The following GPSM1 variants were observed in gnomAD, a reference collection of about 807,000 sequenced individuals.
GPSM1 encodes the protein G protein-signaling modulator 1.
In GPSM1, 48 loss-of-function variants were observed where a neutral mutation model predicts 70.5. The observed-to-expected ratio is 0.68, with a 90% CI of 0.54 to 0.87. The LOEUF (loss-of-function observed/expected upper bound fraction) is 0.87, where lower values mean the gene tolerates loss of function less well. GPSM1 is among the 40% of genes least tolerant of loss of function. The pLI is 0.00. For synonymous variants in GPSM1, 416 were observed against 430.1 expected, an observed-to-expected ratio of 0.97 and a Z score of 0.41; for missense variants, 981 against 972.6, an observed-to-expected ratio of 1.01 and a Z score of -0.11.
intron 10 of GPSM1, among the ~76,000 whole-genome samples, chr9:136,349,208 G>A (rs373211766): frequency 2.6e-5 from 4 of 152,270 alleles, no homozygotes; most frequent in East Asian, 3.8e-4. Flanking sequence ...TGTGCCTGTC[G>A]GCAGTGGGTG....
At chr9:136,333,152 C>T (rs1453235558) in intron 1 of GPSM1, among the ~76,000 whole-genome samples, 2 of 152,256 alleles carry the variant, frequency 1.3e-5, no homozygotes, top group African/African-American at 4.8e-5. Flanking sequence ...TCCTGGGCTC[C>T]AGCTGTGCCT....
intron 9 of GPSM1, among the ~76,000 whole-genome samples, chr9:136,348,487 CT>C (rs1832578880): frequency 6.6e-6 from 1 of 152,224 alleles, no homozygotes. Context: ...CCAGGACGCG[CT>C]CTGTCTCGAC....
At chr9:136,354,828 G>C in intron 11 of GPSM1, 1 of 996,480 alleles carries the variant, frequency 1.0e-6, no homozygotes, top group East Asian at 1.1e-4. Flanking sequence ...CATGGACACA[G>C]GGAGCTCATG....
intron 7 of GPSM1, 85 bp downstream of exon 7, chr9:136,338,795 A>C: frequency 7.5e-7 from 1 of 1,334,026 alleles, no homozygotes; most frequent in South Asian, 1.4e-5. Context: ...CCTGGGTCCC[A>C]TCCCCTGCTC....
In GPSM1 at chr9:136,358,579, C is replaced by T. The variant is rs1044712234; in HGVS notation, c.*359C>T. 4.9e-6 allele frequency: 2 copies of T among 404,124 alleles called. No homozygotes were observed. The highest frequency in any genetic ancestry group is 8.9e-6 in the Non-Finnish European group (2 of 224,724). The allele number at this position is 404,124 out of a possible 1,614,324, so 25.0% of individuals were successfully genotyped here. ...GTGAAACCCTGCTGTCTCCCCCACCCTCCCCAAAGGTGTCTCTGAGCCGCC... is the reference window on the plus strand; with the variant it reads ...GTGAAACCCTGCTGTCTCCCCCACCTTCCCCAAAGGTGTCTCTGAGCCGCC... On this transcript the variant is annotated 3_prime_UTR_variant, in exon 14 of 14. Coordinates refer to ENST00000440944, the MANE Select transcript of GPSM1 (RefSeq NM_001145638.3).
intron 5 of GPSM1, 67 bp from the exon 6 acceptor site, chr9:136,337,779 C>T: frequency 7.8e-7 from 1 of 1,282,870 alleles, no homozygotes; most frequent in Non-Finnish European, 1.1e-6. Flanking sequence ...GGGAGGCAGC[C>T]CCTGTCCGCC....
At chr9:136,357,578 C>T (rs1832866936) in intron 13 of GPSM1, among the ~76,000 whole-genome samples, 1 of 152,244 alleles carries the variant, frequency 6.6e-6, no homozygotes, top group Non-Finnish European at 1.5e-5. Flanking sequence ...ACTTCGGGCT[C>T]TGGAAGCTGA....
chr9:136,356,137 C>T (rs1233853097), intron 12 of GPSM1, among the ~76,000 whole-genome samples: 1 of 152,136 alleles, frequency 6.6e-6, no homozygotes, highest in Non-Finnish European at 1.5e-5. Flanking sequence ...CCCCTGGAAG[C>T]CCCTGAGGTG....
intron 8 of GPSM1, 89 bp downstream of exon 8, chr9:136,339,904 G>C (rs1352724207): frequency 1.3e-6 from 1 of 750,738 alleles, no homozygotes; most frequent in Non-Finnish European, 2.2e-6. Flanking sequence ...GAGCGTGTGC[G>C]TGCCTGGGCC....
At chr9:136,339,352 G>A (rs1246779813) in intron 7 of GPSM1, among the ~76,000 whole-genome samples, 1 of 152,276 alleles carries the variant, frequency 6.6e-6, no homozygotes, top group Non-Finnish European at 1.5e-5. Flanking sequence ...AGGGTGGAGG[G>A]AGTGCAAGGG....
intron 1 of GPSM1, among the ~76,000 whole-genome samples, chr9:136,328,023 C>T (rs943819992): frequency 1.5e-4 from 23 of 152,254 alleles, no homozygotes; most frequent in Admixed American, 1.2e-3. Context: ...CTTCTCCAGC[C>T]TCACTCCCCT....
At chr9:136,348,320 G>T (rs1478904091) in intron 9 of GPSM1, among the ~76,000 whole-genome samples, 2 of 152,170 alleles carry the variant, frequency 1.3e-5, no homozygotes, top group Admixed American at 1.3e-4. Context: ...GGATTGGGTG[G>T]CCTCACAGAG....
At chr9:136,351,302 G>A (rs533686341) in intron 11 of GPSM1, among the ~76,000 whole-genome samples, 1 of 151,878 alleles carries the variant, frequency 6.6e-6, no homozygotes, top group Non-Finnish European at 1.5e-5. Context: ...ACCTGGTCAG[G>A]CCTTCCCGGG....
Position 136,341,391 on chromosome 9 carries a change from T to G in GPSM1, c.1207+398T>G. The G allele has an allele frequency of 7.0e-7, 1 of 1,425,328 alleles. No individual in the cohort carries two copies. The highest frequency in any genetic ancestry group is 3.0e-5 in the Admixed American group (1 of 33,754). The allele number at this position is 1,425,328 out of a possible 1,614,324, so 88.3% of individuals were successfully genotyped here. A position where few individuals can be genotyped will look rare whatever the true frequency, so the allele number is the denominator to read the frequency against. On this transcript the variant is annotated intron_variant, in intron 9 of 13. Coordinates refer to ENST00000440944, the MANE Select transcript of GPSM1 (RefSeq NM_001145638.3). The surrounding 1 kb of genome is among the most constrained non-coding windows in gnomAD (Gnocchi z 6.7). ...AGGGCTGGGCTGGGCTGGGCTGGGC[T>G]GGGCTGTGGGAGCCCTATGTGCCTG...
At chr9:136,354,345 C>T (rs1237641914) in intron 11 of GPSM1, among the ~76,000 whole-genome samples, 1 of 152,168 alleles carries the variant, frequency 6.6e-6, no homozygotes, top group East Asian at 1.9e-4. Context: ...TAGTCCTGGG[C>T]TGTGGGGGTC....
In GPSM1 at chr9:136,355,762, A is replaced by G; in HGVS notation, c.1528A>G (p.Met510Val). The change falls in exon 12 of 14, where the codon ATG (methionine) becomes GTG (valine). Residue 510 changes from methionine (M) to valine (V), a missense_variant. Transcript: ENST00000440944. ...GTTGACCAAGTTCCAGAGCAGCCGC[A>G]TGGACGACCAGCGTTGTCCCCTGGA... Reference protein sequence around the residue: ...DLLTKFQSSRMDDQRCPLDDG... With the variant: ...DLLTKFQSSRVDDQRCPLDDG... 1 of 1,612,224 alleles carries G rather than the reference A, an allele frequency of 6.2e-7. No homozygotes were observed. The highest frequency in any genetic ancestry group is 8.5e-7 in the Non-Finnish European group (1 of 1,179,380).
At chr9:136,351,795 G>A (rs1298846967) in intron 11 of GPSM1, among the ~76,000 whole-genome samples, 1 of 152,264 alleles carries the variant, frequency 6.6e-6, no homozygotes, top group African/African-American at 2.4e-5. Flanking sequence ...GGTCTGTGAG[G>A]ACGTGGCAGG....
chr9:136,330,397 G>A (rs1007105166), intron 1 of GPSM1, among the ~76,000 whole-genome samples: 2 of 151,964 alleles, frequency 1.3e-5, no homozygotes, highest in Non-Finnish European at 2.9e-5. Context: ...CCCTGTCCCC[G>A]TCCTGGGCAC....
At chr9:136,354,580 C>G (rs1376667459) in intron 11 of GPSM1, among the ~76,000 whole-genome samples, 1 of 152,222 alleles carries the variant, frequency 6.6e-6, no homozygotes, top group Non-Finnish European at 1.5e-5. Context: ...GCTGCCAGCG[C>G]CGGTCGGGAG....
Sources: gnomAD v4.1 joint callset for allele counts (sites outside exome capture counted in the v4.1 genomes callset) on GRCh38, gnomAD v4.1.1 for gene constraint, Gnocchi (gnomAD v3.1) non-coding constraint, MANE v1.5 for transcripts, NCBI Gene and HGNC (gene_info 2026-07-23, HGNC 2026-07-21) for gene names.